The following PHLPP1 variants were observed in gnomAD, a reference collection of about 807,000 sequenced individuals.
The protein encoded by PHLPP1 is PH domain and leucine rich repeat protein phosphatase 1, also known as PH domain leucine-rich repeat-containing protein phosphatase 1.
PHLPP1 carries 42 observed loss-of-function variants against 117.2 expected under a neutral mutation model. The ratio of observed to expected loss-of-function variants is 0.36; its 90% CI spans 0.28 to 0.46. The LOEUF (loss-of-function observed/expected upper bound fraction) is 0.46. PHLPP1 is among the 20% of genes least tolerant of loss of function. The probability of loss-of-function intolerance (pLI) is 1.00; values close to 1 mark genes in which losing one functional copy is unlikely to be tolerated. For synonymous variants in PHLPP1, 1,042 were observed against 970.7 expected, an observed-to-expected ratio of 1.07 and a Z score of -1.37; for missense variants, 2,084 against 2,241.9, an observed-to-expected ratio of 0.93 and a Z score of 1.42.
intron 3 of PHLPP1, among the ~76,000 whole-genome samples, chr18:62,855,441 C>T (rs573483994): frequency 3.1e-4 from 47 of 152,236 alleles, no homozygotes; most frequent in South Asian, 1.2e-3. Flanking sequence ...TGTGATAGAG[C>T]CCTGATGTGC....
intron 1 of PHLPP1, among the ~76,000 whole-genome samples, chr18:62,792,608 C>T (rs775538660): frequency 2.0e-5 from 3 of 152,180 alleles, no homozygotes; most frequent in African/African-American, 2.4e-5. Context: ...TGGTGGCTCA[C>T]GCCTGTAATC....
intron 4 of PHLPP1, among the ~76,000 whole-genome samples, chr18:62,879,530 G>A (rs1004886875): frequency 1.3e-5 from 2 of 151,854 alleles, no homozygotes; most frequent in African/African-American, 2.4e-5. Context: ...TCCCACCTCC[G>A]CCTCCTGAGT....
chr18:62,849,824 A>T lies in PHLPP1; in HGVS notation c.1900-10611A>T, dbSNP rs1436684169. On this transcript the variant is annotated intron_variant, in intron 3 of 16. Coordinates refer to ENST00000262719, the MANE Select transcript of PHLPP1 (RefSeq NM_194449.4). ...AAAAAAAAAAAAAAAAAAAAAAAAA[A>T]AAAAAAAAATATATATATCCTTTAA... Among the ~76,000 whole-genome samples, 176 of 44,748 alleles carry T rather than the reference A, an allele frequency of 3.9e-3. 1 individual carries two copies. The highest frequency in any genetic ancestry group is 0.014 in the African/African-American group (149 of 10,664). The allele number at this position is 44,748 out of a possible 152,430, so 29.4% of individuals were successfully genotyped here.
chr18:62,917,164 A>G (rs1398168154), intron 9 of PHLPP1, among the ~76,000 whole-genome samples: 1 of 148,232 alleles, frequency 6.7e-6, no homozygotes, highest in Non-Finnish European at 1.5e-5. Context: ...TATTTTATAT[A>G]TTTTTTATAT....
chr18:62,939,007 T>TTTTTTTTGA (rs1910053573), intron 10 of PHLPP1, among the ~76,000 whole-genome samples: 1 of 150,520 alleles, frequency 6.6e-6, no homozygotes, highest in African/African-American at 2.4e-5. Context: ...TTTTTTTTTT[T>TTTTTTTTGA]GAGCCGGAGT....
rs1272284098 is a variant in PHLPP1, at chr18:62,860,461, G to A, written c.1926G>A (p.Val642=). ...TTGCATCCCAGCGCATTAGCTCAGT[G>A]GACCTCTCGTGTTGTAGCCTGGAAC... The part of the protein sequence containing the change: ...SKVASQRISS[V]DLSCCSLEHL... Residue 642 remains valine, a synonymous_variant, in exon 4 of 17, where the codon GTG becomes GTA. Transcript: ENST00000262719. 6.2e-7 allele frequency: 1 copy of A among 1,613,916 alleles called. No individual in the cohort carries two copies. The highest frequency in any genetic ancestry group is 1.1e-5 in the South Asian group (1 of 91,074).
intron 4 of PHLPP1, among the ~76,000 whole-genome samples, chr18:62,886,286 GTTTAA>G (rs1162694138): frequency 2.6e-5 from 4 of 152,084 alleles, no homozygotes; most frequent in Admixed American, 2.0e-4. Context: ...TTGTTTGTTT[GTTTAA>G]TTTATTTATT....
At chr18:62,798,291 A>G (rs1350558786) in intron 1 of PHLPP1, among the ~76,000 whole-genome samples, 3 of 152,196 alleles carry the variant, frequency 2.0e-5, no homozygotes, top group Non-Finnish European at 2.9e-5. Context: ...TAAATTATTC[A>G]GAAAGAAATT....
intron 1 of PHLPP1, among the ~76,000 whole-genome samples, chr18:62,808,093 G>T (rs1408183774): frequency 6.6e-6 from 1 of 152,182 alleles, no homozygotes; most frequent in Non-Finnish European, 1.5e-5. Flanking sequence ...TAAAGATAGG[G>T]CAGAGGTGGA....
chr18:62,804,154 G>A (rs1051554445), intron 1 of PHLPP1, among the ~76,000 whole-genome samples: 3 of 152,166 alleles, frequency 2.0e-5, no homozygotes, highest in Non-Finnish European at 4.4e-5. Context: ...CAGGGGGCAG[G>A]AAAGAGAGAG....
chr18:62,831,888 G>T (rs544865731), intron 2 of PHLPP1, among the ~76,000 whole-genome samples: 1 of 152,174 alleles, frequency 6.6e-6, no homozygotes, highest in African/African-American at 2.4e-5. Flanking sequence ...TGCAAGATGC[G>T]TTTAGATTGA....
At chr18:62,918,948 A>C (rs1194095175) in intron 9 of PHLPP1, among the ~76,000 whole-genome samples, 1 of 152,212 alleles carries the variant, frequency 6.6e-6, no homozygotes, top group Non-Finnish European at 1.5e-5. Context: ...CATGTTTTAC[A>C]CCATAAATAT....
chr18:62,798,879 G>A (rs1913698444), intron 1 of PHLPP1, among the ~76,000 whole-genome samples: 1 of 151,942 alleles, frequency 6.6e-6, no homozygotes, highest in African/African-American at 2.4e-5. Context: ...CTAGATACCT[G>A]TGAAAAGAAT....
intron 12 of PHLPP1, among the ~76,000 whole-genome samples, chr18:62,953,607 C>T (rs1443035331): frequency 6.6e-6 from 1 of 152,234 alleles, no homozygotes; most frequent in East Asian, 1.9e-4. Flanking sequence ...AGGGCAGGGA[C>T]TGTGTCTGCC....
chr18:62,949,786 A>G (rs1449487973), intron 12 of PHLPP1, among the ~76,000 whole-genome samples: 1 of 152,136 alleles, frequency 6.6e-6, no homozygotes, highest in Non-Finnish European at 1.5e-5. Flanking sequence ...CAGACGCCAG[A>G]CTTGGTTTGG....
chr18:62,930,086 T>A (rs1181106216), intron 10 of PHLPP1, among the ~76,000 whole-genome samples: 1 of 152,170 alleles, frequency 6.6e-6, no homozygotes, highest in East Asian at 1.9e-4. Context: ...GCAAGCCAGA[T>A]AAGAAATGAT....
At chr18:62,906,249 T>A (rs1246968929) in intron 8 of PHLPP1, 1 of 152,250 alleles carries the variant, frequency 6.6e-6, no homozygotes, top group East Asian at 1.9e-4. Flanking sequence ...GCAAGATGTG[T>A]CAGTACTTAG....
At chr18:62,778,096 C>T (rs1046044090) in intron 1 of PHLPP1, among the ~76,000 whole-genome samples, 1 of 152,166 alleles carries the variant, frequency 6.6e-6, no homozygotes. Flanking sequence ...CAATCCCTAA[C>T]TTGGAGGACT....
intron 8 of PHLPP1, among the ~76,000 whole-genome samples, chr18:62,912,187 G>T (rs1379025503): frequency 6.8e-6 from 1 of 146,892 alleles, no homozygotes; most frequent in Non-Finnish European, 1.5e-5. Flanking sequence ...AGCATTGGGA[G>T]ATATACCTAA....
Sources: allele counts gnomAD v4.1 joint callset (sites outside exome capture counted in the v4.1 genomes callset), GRCh38; gene constraint gnomAD v4.1.1; transcripts MANE v1.5; gene names NCBI Gene and HGNC (gene_info 2026-07-23, HGNC 2026-07-21).